Variants in ANOS1 observed in about 807,000 individuals in gnomAD.
The protein encoded by ANOS1 is anosmin 1.
A neutral mutation model predicts 59.0 loss-of-function variants in ANOS1; 6 were observed. The observed-to-expected ratio is 0.10, with a 90% confidence interval of 0.06 to 0.20. The LOEUF is 0.20. Among genes scored for constraint, ANOS1 ranks in the 10% least tolerant of loss-of-function variants. ANOS1 has a pLI of 1.00. For missense variants in ANOS1, 433 were observed against 542.3 expected (o/e 0.80, Z 2.00); for synonymous variants, 217 against 223.4 (o/e 0.97, Z 0.25).
intron 2 of ANOS1, among the ~76,000 whole-genome samples, chrX:8,645,880 G>A (rs1356288341): frequency 7.1e-5 from 8 of 112,224 alleles, no homozygotes; most frequent in South Asian, 3.7e-4. Flanking sequence ...TCCTGACCTC[G>A]TGATCCGCCC....
chrX:8,689,475 G>A (rs981832948), intron 2 of ANOS1, among the ~76,000 whole-genome samples: 2 of 110,098 alleles, frequency 1.8e-5, no homozygotes, highest in African/African-American at 6.6e-5. Context: ...AGGTGTACAA[G>A]TGGCTTGAGC....
chrX:8,580,018 G>A lies in ANOS1; in HGVS notation c.856+5249C>T, dbSNP rs1663168191. ...TCTGAAGGTGTCTGATCTTTGATGGGCAATCTCTATTTGTTGAAATCTGTG... is the reference window on the plus strand; with the variant it reads ...TCTGAAGGTGTCTGATCTTTGATGGACAATCTCTATTTGTTGAAATCTGTG... On this transcript the variant is annotated intron_variant, in intron 6 of 13. Coordinates refer to ENST00000262648, the MANE Select transcript of ANOS1 (RefSeq NM_000216.4). 3.6e-5 allele frequency among the ~76,000 whole-genome samples: 4 copies of A among 112,161 alleles called. No individual in the cohort carries two copies. The South Asian group carries it at 1.1e-3, about 31-fold the overall frequency.
intron 1 of ANOS1, among the ~76,000 whole-genome samples, chrX:8,729,643 C>T (rs1932952519): frequency 1.0e-5 from 1 of 100,469 alleles, no homozygotes; most frequent in East Asian, 3.1e-4. Flanking sequence ...ATCTGCCCGC[C>T]TTGGCCTCCC....
At chrX:8,538,830 A>G (rs1171682429) in intron 10 of ANOS1, among the ~76,000 whole-genome samples, 1 of 112,213 alleles carries the variant, frequency 8.9e-6, no homozygotes, top group East Asian at 2.8e-4. Flanking sequence ...GACTTGTTTT[A>G]TCTCACTCTC....
intron 2 of ANOS1, among the ~76,000 whole-genome samples, chrX:8,640,539 C>T (rs377552328): frequency 1.4e-5 from 1 of 71,232 alleles, no homozygotes; most frequent in Non-Finnish European, 2.6e-5. Flanking sequence ...AGAGAAAAAA[C>T]AAAGCAAGAC....
chrX:8,581,337 C>T (rs1250261545), intron 6 of ANOS1, among the ~76,000 whole-genome samples: 4 of 111,600 alleles, frequency 3.6e-5, no homozygotes, highest in African/African-American at 9.8e-5. Context: ...AGTCTTTTGC[C>T]TCCCACCATG....
chrX:8,682,943 C>T (rs778373668), intron 2 of ANOS1, among the ~76,000 whole-genome samples: 6 of 111,532 alleles, frequency 5.4e-5, no homozygotes, highest in Admixed American at 4.8e-4. Context: ...TACTGGAATC[C>T]TCTTAGAAAT....
At chrX:8,657,255 C>T (rs1931947370) in intron 2 of ANOS1, among the ~76,000 whole-genome samples, 1 of 112,172 alleles carries the variant, frequency 8.9e-6, no homozygotes, top group Non-Finnish European at 1.9e-5. Flanking sequence ...ATTGGGAATT[C>T]CCCTAGACTC....
In ANOS1 at chrX:8,541,628, G is replaced by A. The variant is rs1192473716; in HGVS notation, c.1355-1870C>T. On this transcript the variant is annotated intron_variant, in intron 9 of 13. Coordinates refer to ENST00000262648, the MANE Select transcript of ANOS1 (RefSeq NM_000216.4). ...GCCAGTCCTGTCCAACAGAACTGGC[G>A]GGTGTGATGGAAATGTTCTGTCTGT... Among the ~76,000 whole-genome samples, 5 of 74,450 alleles carry A rather than the reference G, an allele frequency of 6.7e-5. 1 individual carries two copies. The Admixed American group carries it at 7.0e-4, about 10-fold the overall frequency. 64.7% of individuals were successfully genotyped at this position (74,450 alleles called of 115,157 possible).
chrX:8,538,419 A>G (rs1357405289), intron 10 of ANOS1, among the ~76,000 whole-genome samples: 1 of 112,036 alleles, frequency 8.9e-6, no homozygotes, highest in Non-Finnish European at 1.9e-5. Context: ...CTAGAAGGAT[A>G]ATTTTTCAGG....
chrX:8,606,018 A>G (rs1252312100), intron 3 of ANOS1, among the ~76,000 whole-genome samples: 1 of 111,677 alleles, frequency 9.0e-6, no homozygotes, highest in Non-Finnish European at 1.9e-5. Context: ...GTGCCATGCA[A>G]TGGCAAAACC....
At chrX:8,684,768 T>G (rs1022347651) in intron 2 of ANOS1, among the ~76,000 whole-genome samples, 4 of 109,591 alleles carry the variant, frequency 3.6e-5, no homozygotes, top group African/African-American at 1.3e-4. Flanking sequence ...TGGGAAACAC[T>G]GTTCATTCAT....
intron 2 of ANOS1, among the ~76,000 whole-genome samples, chrX:8,667,970 G>A (rs924858558): frequency 9.0e-6 from 1 of 111,299 alleles, no homozygotes; most frequent in East Asian, 2.8e-4. Flanking sequence ...AGTGCAATGA[G>A]GTCTGAGTGA....
At chrX:8,654,394 T>A (rs1168208926) in intron 2 of ANOS1, among the ~76,000 whole-genome samples, 2 of 112,648 alleles carry the variant, frequency 1.8e-5, no homozygotes, top group South Asian at 3.7e-4. Context: ...CTATCTCTAT[T>A]CCATTCACCT....
At chrX:8,554,559 T>G (rs866299926) in intron 8 of ANOS1, among the ~76,000 whole-genome samples, 1,362 of 97,065 alleles carry the variant, frequency 0.014, 38 homozygotes, top group African/African-American at 0.054. Context: ...TTTTTTTTTT[T>G]TTTTTTTTTT....
intron 1 of ANOS1, among the ~76,000 whole-genome samples, chrX:8,727,436 T>C (rs187482318): frequency 3.8e-4 from 43 of 112,306 alleles, no homozygotes; most frequent in African/African-American, 1.3e-3. Flanking sequence ...TCTGTCCCCA[T>C]TCCATGCTAG....
chrX:8,629,642 A>G (rs986512368), intron 2 of ANOS1, among the ~76,000 whole-genome samples: 6 of 110,620 alleles, frequency 5.4e-5, no homozygotes, highest in African/African-American at 2.0e-4. Context: ...CCAACTCATG[A>G]GTGGAAGTAC....
Position 8,582,944 on chromosome X carries a change from A to G in ANOS1, c.856+2323T>C, listed in dbSNP as rs73472363. On this transcript the variant is annotated intron_variant, in intron 6 of 13. Coordinates refer to ENST00000262648, the MANE Select transcript of ANOS1 (RefSeq NM_000216.4). ...TTGCAGAAAATGTTTAGAGTGGAGA[A>G]TGACTGCAGGCCTCTTTTGCCACAA... Among the ~76,000 whole-genome samples the G allele has an allele frequency of 8.3e-3, 926 of 111,654 alleles. 8 individuals carry two copies. The highest frequency in any genetic ancestry group is 0.029 in the African/African-American group (883 of 30,715).
chrX:8,610,934 T>C (rs1346254985), intron 3 of ANOS1, among the ~76,000 whole-genome samples: 1 of 111,109 alleles, frequency 9.0e-6, no homozygotes, highest in Non-Finnish European at 1.9e-5. Context: ...TCAAAAATAA[T>C]CCAGTGTGCA....
Sources: allele counts gnomAD v4.1 joint callset (sites outside exome capture counted in the v4.1 genomes callset), GRCh38; gene constraint gnomAD v4.1.1; transcripts MANE v1.5; gene names NCBI Gene and HGNC (gene_info 2026-07-23, HGNC 2026-07-21).